CXADR: variants seen among roughly 807,000 people sequenced by gnomAD.
CXADR encodes the protein CXADR cell adhesion molecule.
In CXADR, 20 loss-of-function variants were observed where a neutral mutation model predicts 40.3. The ratio of observed to expected loss-of-function variants is 0.50; its 90% CI spans 0.35 to 0.72. CXADR has a LOEUF of 0.72. Ranked by LOEUF, CXADR falls within the 30% of genes least tolerant of loss-of-function variation. The pLI, the probability that CXADR is intolerant of heterozygous loss-of-function variation, is 0.01. For missense variants in CXADR, 332 were observed against 449.1 expected, an observed-to-expected ratio of 0.74 and a Z score of 2.36; for synonymous variants, 150 against 161.3, an observed-to-expected ratio of 0.93 and a Z score of 0.53.
intron 1 of CXADR, among the ~76,000 whole-genome samples, chr21:17,518,284 G>T (rs1274462840): frequency 6.6e-5 from 10 of 151,802 alleles, no homozygotes; most frequent in Admixed American, 6.6e-4. Flanking sequence ...AAAAAACCAG[G>T]AATCAAAACC....
At chr21:17,597,303 T>C (rs796968262), downstream of CXADR, among the ~76,000 whole-genome samples, 5 of 152,116 alleles carry the variant, frequency 3.3e-5, no homozygotes, top group African/African-American at 1.2e-4. Flanking sequence ...ACAAATAAAA[T>C]TCTGAGGTAA....
Position 17,563,576 on chromosome 21 carries a change from G to A in CXADR, c.834-1852G>A, listed in dbSNP as rs78447518. Among the ~76,000 whole-genome samples, 486 of 152,214 alleles carry A rather than the reference G, an allele frequency of 3.2e-3. 22 individuals carry two copies. The East Asian group carries it at 0.081, about 26-fold the overall frequency. ...AGATCACCCTAACAGGTATGATTATGAGAAAGTTTGAACTGTTGTGAGAAT... is the reference window on the plus strand; with the variant it reads ...AGATCACCCTAACAGGTATGATTATAAGAAAGTTTGAACTGTTGTGAGAAT... On this transcript the variant is annotated intron_variant, in intron 6 of 6. Transcript: ENST00000284878.
At chr21:17,538,683 G>A (rs2060790967) in intron 1 of CXADR, among the ~76,000 whole-genome samples, 1 of 152,000 alleles carries the variant, frequency 6.6e-6, no homozygotes, top group Admixed American at 6.6e-5. Flanking sequence ...GGGCATGGTG[G>A]CACATACCTG....
At chr21:17,563,940 C>CAAAAAAAAAAAGAAAAAAA (rs2061162252) in intron 6 of CXADR, among the ~76,000 whole-genome samples, 1 of 37,222 alleles carries the variant, frequency 2.7e-5, no homozygotes, top group Non-Finnish European at 5.7e-5. Flanking sequence ...GACTCTGTCT[C>CAAAAAAAAAAAGAAAAAAA]AAAAAAAAAA....
At chr21:17,518,204 C>T (rs1324331588) in intron 1 of CXADR, among the ~76,000 whole-genome samples, 3 of 152,046 alleles carry the variant, frequency 2.0e-5, no homozygotes, top group Non-Finnish European at 4.4e-5. Context: ...ATTTGCTCTC[C>T]ACTGTATACA....
At chr21:17,604,261 T>C in the CXADR span, 46 of 341,252 alleles carry the variant, frequency 1.3e-4, no homozygotes, top group Admixed American at 5.1e-4. Context: ...GCCAACATGG[T>C]GAAACCCCAT....
chr21:17,596,857 T>C (rs2061510652), downstream of CXADR, among the ~76,000 whole-genome samples: 1 of 152,110 alleles, frequency 6.6e-6, no homozygotes, highest in African/African-American at 2.4e-5. Context: ...TTCTTCGTTT[T>C]TTAAGATATG....
At chr21:17,600,133 T>C in the CXADR span, among the ~76,000 whole-genome samples, 1 of 152,152 alleles carries the variant, frequency 6.6e-6, no homozygotes, top group East Asian at 1.9e-4. Flanking sequence ...CATATGCTGC[T>C]GGTTACTTAA....
intron 1 of CXADR, among the ~76,000 whole-genome samples, chr21:17,545,209 G>C (rs1189099209): frequency 6.6e-6 from 1 of 150,506 alleles, no homozygotes; most frequent in Non-Finnish European, 1.5e-5. Context: ...AAGGTTGTCA[G>C]AGTCAGGTGA....
the CXADR span, among the ~76,000 whole-genome samples, chr21:17,607,372 T>C: frequency 6.6e-5 from 10 of 152,168 alleles, no homozygotes; most frequent in Non-Finnish European, 1.2e-4. Context: ...GTTCACTCTA[T>C]TGGAAATGAA....
chr21:17,539,656 C>T (rs114638597), intron 1 of CXADR, among the ~76,000 whole-genome samples: 103 of 152,272 alleles, frequency 6.8e-4, no homozygotes, highest in African/African-American at 2.1e-3. Context: ...GCTTGACTTA[C>T]AGATAAGCAA....
rs145333158 is a variant in CXADR at position 17,530,892 on chromosome 21, T to A, written c.44-16135T>A. ...GCATATGCACATAAATTTCTCCCTA[T>A]CAATGGAATTTCTGAGTCCTGTAGG... is the stretch of plus-strand genomic sequence containing the variant. On this transcript the variant is annotated intron_variant, in intron 1 of 6. Transcript: ENST00000284878. Among the ~76,000 whole-genome samples, 560 of 152,332 alleles carry A rather than the reference T, an allele frequency of 3.7e-3. 4 individuals are homozygous for A. The highest frequency in any genetic ancestry group is 0.013 in the African/African-American group (531 of 41,578).
chr21:17,516,862 C>T (rs958058542), intron 1 of CXADR, among the ~76,000 whole-genome samples: 12 of 151,808 alleles, frequency 7.9e-5, no homozygotes, highest in Admixed American at 5.9e-4. Flanking sequence ...ATGTTAATTC[C>T]CTGGATTTAA....
Position 17,569,209 on chromosome 21 carries a change from A to C in CXADR, c.*3517A>C. On this transcript the variant is annotated 3_prime_UTR_variant, in exon 7 of 7. Transcript: ENST00000284878. ...TGTTGAGTTTTTTCTTCTAATTTTCACTTCAGCAGTGTTTAGGGCTTTCAG... is the reference window on the plus strand; with the variant it reads ...TGTTGAGTTTTTTCTTCTAATTTTCCCTTCAGCAGTGTTTAGGGCTTTCAG... 1 of 985,338 alleles carries C rather than the reference A, an allele frequency of 1.0e-6. No individual in the cohort carries two copies. Among genetic ancestry groups the C allele is most frequent in the Non-Finnish European group, 1.2e-6 (1 of 829,904 alleles). 61.0% of individuals were successfully genotyped at this position (985,338 alleles called of 1,614,324 possible).
At chr21:17,559,657 A>C (rs1279671875) in intron 4 of CXADR, among the ~76,000 whole-genome samples, 3 of 128,356 alleles carry the variant, frequency 2.3e-5, no homozygotes, top group African/African-American at 8.8e-5. Flanking sequence ...TTACTTTGGT[A>C]CTTTTTTTTG....
the CXADR span, among the ~76,000 whole-genome samples, chr21:17,623,493 A>G: frequency 6.6e-6 from 1 of 152,134 alleles, no homozygotes; most frequent in Non-Finnish European, 1.5e-5. Flanking sequence ...CTCTCTTTAC[A>G]TTCATTTCCT....
chr21:17,519,082 T>G lies in CXADR; in HGVS notation c.43+5910T>G, dbSNP rs111853771. Reference sequence around the variant, plus strand: ...CTGCCCGATATGCCCCCTCTTAATCTTTTCATTCCTGCGATTATACCACCA... The same window carrying G: ...CTGCCCGATATGCCCCCTCTTAATCGTTTCATTCCTGCGATTATACCACCA... On this transcript the variant is annotated intron_variant, in intron 1 of 6. Transcript: ENST00000284878. 811 of 901,258 alleles carry G rather than the reference T, an allele frequency of 9.0e-4. 3 individuals are homozygous for G. The African/African-American group carries it at 0.012, about 14-fold the overall frequency. 55.8% of individuals were successfully genotyped at this position (901,258 alleles called of 1,614,324 possible). A position where few individuals can be genotyped will look rare whatever the true frequency, so the allele number is the denominator to read the frequency against.
chr21:17,543,531 C>G (rs2060856282), intron 1 of CXADR, among the ~76,000 whole-genome samples: 1 of 151,854 alleles, frequency 6.6e-6, no homozygotes, highest in African/African-American at 2.4e-5. Context: ...ATTTTTTATT[C>G]TCACTTATAT....
intron 3 of CXADR, among the ~76,000 whole-genome samples, chr21:17,554,076 G>A (rs918511181): frequency 1.3e-5 from 2 of 152,232 alleles, no homozygotes; most frequent in Non-Finnish European, 1.5e-5. Flanking sequence ...TTGATTATCG[G>A]AATTATTTAT....
Sources: gnomAD v4.1 joint callset for allele counts (sites outside exome capture counted in the v4.1 genomes callset) on GRCh38, gnomAD v4.1.1 for gene constraint, MANE v1.5 for transcripts, NCBI Gene and HGNC (gene_info 2026-07-23, HGNC 2026-07-21) for gene names.